MSRA: variants seen among roughly 807,000 people sequenced by gnomAD.
The protein encoded by MSRA is mitochondrial peptide methionine sulfoxide reductase.
Under a neutral mutation model 31.3 loss-of-function variants are expected in MSRA, and 54 were observed. That is an observed-to-expected ratio of 1.73 (90% CI 1.39 to 2.17). The LOEUF (loss-of-function observed/expected upper bound fraction) is 2.17. Among genes scored for constraint, MSRA ranks in the 30% most tolerant of loss-of-function variants. The pLI is 0.00. For synonymous variants in MSRA, 169 were observed against 116.5 expected (o/e 1.45, Z -2.90); for missense variants, 507 against 300.9 (o/e 1.69, Z -5.07).
At chr8:10,302,443 CCA>C (rs1489328220) in intron 4 of MSRA, among the ~76,000 whole-genome samples, 2 of 152,186 alleles carry the variant, frequency 1.3e-5, no homozygotes, top group Non-Finnish European at 1.5e-5. Flanking sequence ...GTCTATTTCA[CCA>C]AAGTATTTTC....
At chr8:10,426,678 G>A in intron 5 of MSRA, among the ~76,000 whole-genome samples, 1 of 152,242 alleles carries the variant, frequency 6.6e-6, no homozygotes, top group Non-Finnish European at 1.5e-5. Context: ...AGCTGAGAAT[G>A]TCAGGGACCA....
At position 10,423,943 on chromosome 8, in the gene MSRA, C is replaced by T. The variant is rs147110175; in HGVS notation, c.544-4205C>T. Among the ~76,000 whole-genome samples, 842 of 152,078 alleles carry T rather than the reference C, an allele frequency of 5.5e-3. 3 individuals carry two copies. The highest frequency in any genetic ancestry group is 0.016 in the African/African-American group (674 of 41,550). ...CATTCATTCATTCATTAATTGCACA[C>T]AGTGCACAAAGCCCCGAGATGAGGG... On this transcript the variant is annotated intron_variant, in intron 5 of 5. Transcript: ENST00000317173.
chr8:10,139,880 G>A (rs1162796186), intron 1 of MSRA, among the ~76,000 whole-genome samples: 1 of 152,066 alleles, frequency 6.6e-6, no homozygotes, highest in African/African-American at 2.4e-5. Flanking sequence ...GTTTTCCTCA[G>A]TGTTGTGTGT....
intron 5 of MSRA, among the ~76,000 whole-genome samples, chr8:10,395,721 G>A (rs1807056139): frequency 6.6e-6 from 1 of 152,164 alleles, no homozygotes; most frequent in African/African-American, 2.4e-5. Flanking sequence ...CCTAGCTACA[G>A]AAAGTACCTT....
chr8:10,230,534 T>C (rs867087374), intron 2 of MSRA, among the ~76,000 whole-genome samples: 29 of 152,304 alleles, frequency 1.9e-4, no homozygotes, highest in Middle Eastern at 3.4e-3. Context: ...GGAAAATATA[T>C]GAAAATACAA....
At chr8:10,119,092 T>C (rs1171902465) in intron 1 of MSRA, among the ~76,000 whole-genome samples, 1 of 152,202 alleles carries the variant, frequency 6.6e-6, no homozygotes, top group African/African-American at 2.4e-5. Flanking sequence ...TCTTTTAGCC[T>C]TCTGTATATC....
intron 1 of MSRA, among the ~76,000 whole-genome samples, chr8:10,096,920 A>G (rs976014521): frequency 6.6e-6 from 1 of 152,146 alleles, no homozygotes; most frequent in Admixed American, 6.5e-5. Flanking sequence ...TTTTTATTTT[A>G]TATGCCGAAA....
At chr8:10,257,273 C>CA (rs550437175) in intron 3 of MSRA, among the ~76,000 whole-genome samples, 3 of 152,172 alleles carry the variant, frequency 2.0e-5, no homozygotes, top group Admixed American at 1.3e-4. Flanking sequence ...TCCGTCTCCA[C>CA]AAAAAACAGT....
intron 5 of MSRA, among the ~76,000 whole-genome samples, chr8:10,427,171 G>T (rs1181294601): frequency 1.3e-5 from 2 of 152,182 alleles, no homozygotes; most frequent in Admixed American, 6.5e-5. Flanking sequence ...ATGGGTCCTG[G>T]CTCTGCTTTG....
At chr8:10,256,721 G>A (rs1363540580) in intron 3 of MSRA, among the ~76,000 whole-genome samples, 1 of 152,216 alleles carries the variant, frequency 6.6e-6, no homozygotes, top group Non-Finnish European at 1.5e-5. Context: ...AGATTTGCAT[G>A]TGTCCATTCT....
intron 5 of MSRA, among the ~76,000 whole-genome samples, chr8:10,400,378 T>TGTAGTGTGTA (rs1554551505): frequency 1.8e-5 from 2 of 110,262 alleles, no homozygotes; most frequent in African/African-American, 2.9e-5. Flanking sequence ...TGTGTGTGTG[T>TGTAGTGTGTA]GTGTGTAGTG....
intron 3 of MSRA, among the ~76,000 whole-genome samples, chr8:10,267,489 C>G (rs999737455): frequency 6.6e-6 from 1 of 152,112 alleles, no homozygotes; most frequent in African/African-American, 2.4e-5. Context: ...AGCACCACTG[C>G]ATTGACTGTG....
At chr8:10,370,766 C>G (rs1169255184) in intron 5 of MSRA, among the ~76,000 whole-genome samples, 1 of 152,226 alleles carries the variant, frequency 6.6e-6, no homozygotes, top group Non-Finnish European at 1.5e-5. Flanking sequence ...CAAAGATGCC[C>G]CATGGCATTC....
chr8:10,119,520 T>C (rs938779143), intron 1 of MSRA, among the ~76,000 whole-genome samples: 1 of 152,212 alleles, frequency 6.6e-6, no homozygotes, highest in Non-Finnish European at 1.5e-5. Context: ...GCGCAAGGTA[T>C]TTCTGTGTGT....
intron 1 of MSRA, among the ~76,000 whole-genome samples, chr8:10,160,623 C>G (rs900761567): frequency 1.3e-5 from 2 of 152,156 alleles, no homozygotes; most frequent in African/African-American, 2.4e-5. Flanking sequence ...ACCTCTGCCA[C>G]CCAGGTTCAA....
At chr8:10,389,472 G>C (rs909389555) in intron 5 of MSRA, among the ~76,000 whole-genome samples, 1 of 152,238 alleles carries the variant, frequency 6.6e-6, no homozygotes, top group African/African-American at 2.4e-5. Flanking sequence ...TCATTGTTAT[G>C]TTCTGCCATC....
intron 1 of MSRA, among the ~76,000 whole-genome samples, chr8:10,174,519 C>G (rs1036712796): frequency 6.6e-6 from 1 of 152,082 alleles, no homozygotes; most frequent in East Asian, 1.9e-4. Flanking sequence ...CCCATGACTT[C>G]CCAGCTCACC....
At chr8:10,187,180 T>A (rs1433579416) in intron 1 of MSRA, among the ~76,000 whole-genome samples, 1 of 152,196 alleles carries the variant, frequency 6.6e-6, no homozygotes, top group Non-Finnish European at 1.5e-5. Flanking sequence ...GACCAGCCGC[T>A]GATTGAGCCC....
chr8:10,160,732 C>G (rs1304183674), intron 1 of MSRA, among the ~76,000 whole-genome samples: 1 of 152,000 alleles, frequency 6.6e-6, no homozygotes, highest in Non-Finnish European at 1.5e-5. Context: ...ATTTCACCAT[C>G]TTGGCCAGGC....
Sources: gnomAD v4.1 joint callset for allele counts (sites outside exome capture counted in the v4.1 genomes callset) on GRCh38, gnomAD v4.1.1 for gene constraint, MANE v1.5 for transcripts, NCBI Gene and HGNC (gene_info 2026-07-23, HGNC 2026-07-21) for gene names.